Variants in CD2AP observed in about 807,000 individuals in gnomAD.
CD2AP encodes the protein CD2 associated protein, also known as CD2-associated protein.
In CD2AP, 46 loss-of-function variants were observed where a neutral mutation model predicts 85.1. The ratio of observed to expected loss-of-function variants is 0.54; its 90% CI spans 0.43 to 0.69. The LOEUF is 0.69. CD2AP is among the 30% of genes least tolerant of loss of function. CD2AP has a pLI of 0.00. For missense variants in CD2AP, 769 were observed against 729.5 expected (o/e 1.05, Z -0.62); for synonymous variants, 255 against 252.9 (o/e 1.01, Z -0.08).
intron 5 of CD2AP, among the ~76,000 whole-genome samples, chr6:47,562,349 T>C (rs2114076479): frequency 6.6e-6 from 1 of 152,182 alleles, no homozygotes; most frequent in East Asian, 1.9e-4. Flanking sequence ...CTTTACATAG[T>C]CATAAAATAC....
chr6:47,615,925 G>A lies in CD2AP; in HGVS notation c.1878+3389G>A, dbSNP rs185050869. 1.1e-3 allele frequency among the ~76,000 whole-genome samples: 161 copies of A among 150,618 alleles called. 1 individual carries two copies. The highest frequency in any genetic ancestry group is 3.4e-3 in the African/African-American group (139 of 40,998). ...CTCCAGAGTAGCTAGGACTACAGGC[G>A]CCCGCCACCACACCCGGCTAGTTTT... On this transcript the variant is annotated intron_variant, in intron 17 of 17. Coordinates refer to ENST00000359314, the MANE Select transcript of CD2AP (RefSeq NM_012120.3).
chr6:47,502,625 C>T (rs1327111900), intron 1 of CD2AP, among the ~76,000 whole-genome samples: 1 of 151,826 alleles, frequency 6.6e-6, no homozygotes, highest in African/African-American at 2.4e-5. Context: ...TCCCGAGTAG[C>T]TGGGATTACT....
intron 1 of CD2AP, 139 bp downstream of exon 1, chr6:47,478,387 G>A: frequency 1.8e-5 from 17 of 955,422 alleles, no homozygotes; most frequent in African/African-American, 3.2e-5. Flanking sequence ...TCTCCCCACC[G>A]CCCCTTCTTG....
chr6:47,620,486 C>T lies in CD2AP; in HGVS notation c.1879-3700C>T, dbSNP rs151222079. Among the ~76,000 whole-genome samples the T allele has an allele frequency of 2.9e-3, 442 of 152,206 alleles. 3 individuals are homozygous for T. The highest frequency in any genetic ancestry group is 0.011 in the Admixed American group (165 of 15,288). ...AGTTTGAAATCAGGTAGTGTGATGC[C>T]TCCAGATTTGTTCTTTTTCCTTAGT... On this transcript the variant is annotated intron_variant, in intron 17 of 17. Coordinates refer to ENST00000359314, the MANE Select transcript of CD2AP (RefSeq NM_012120.3).
intron 1 of CD2AP, among the ~76,000 whole-genome samples, chr6:47,484,022 G>C (rs1031388348): frequency 6.6e-6 from 1 of 152,100 alleles, no homozygotes; most frequent in Non-Finnish European, 1.5e-5. Flanking sequence ...TCACTGAAGT[G>C]GTGGTTGGCT....
At chr6:47,595,581 C>G (rs1285233982) in intron 11 of CD2AP, among the ~76,000 whole-genome samples, 1 of 152,012 alleles carries the variant, frequency 6.6e-6, no homozygotes, top group Non-Finnish European at 1.5e-5. Flanking sequence ...AAAAGCAAAG[C>G]TTCCTGGGAA....
intron 1 of CD2AP, among the ~76,000 whole-genome samples, chr6:47,500,775 C>T (rs1582481079): frequency 6.7e-6 from 1 of 148,298 alleles, no homozygotes; most frequent in Non-Finnish European, 1.5e-5. Context: ...GAGACGGAGT[C>T]CTGCCCTGTC....
intron 1 of CD2AP, chr6:47,489,016 AC>A (rs1765650791): frequency 6.6e-6 from 1 of 152,214 alleles, no homozygotes; most frequent in African/African-American, 2.4e-5. Flanking sequence ...TGCTGTTCTT[AC>A]AAGTTCTTGT....
chr6:47,565,419 T>C (rs1228576625), intron 5 of CD2AP, among the ~76,000 whole-genome samples: 3 of 152,152 alleles, frequency 2.0e-5, no homozygotes, highest in African/African-American at 7.2e-5. Context: ...TAGGAATGTG[T>C]TTTCAAATTT....
chr6:47,571,229 A>C (rs1768142437), intron 5 of CD2AP, among the ~76,000 whole-genome samples: 1 of 152,204 alleles, frequency 6.6e-6, no homozygotes, highest in Admixed American at 6.5e-5. Context: ...TTGGAGGTAT[A>C]TATTAAAACT....
chr6:47,614,754 G>A (rs1361166995), intron 17 of CD2AP, among the ~76,000 whole-genome samples: 3 of 152,246 alleles, frequency 2.0e-5, no homozygotes, highest in Non-Finnish European at 1.5e-5. Flanking sequence ...ACAGCAAAAC[G>A]AAGTACAATA....
At chr6:47,551,403 C>T (rs1767520188) in intron 4 of CD2AP, among the ~76,000 whole-genome samples, 1 of 152,108 alleles carries the variant, frequency 6.6e-6, no homozygotes, top group East Asian at 1.9e-4. Context: ...TGTGTTTATA[C>T]AAAGGCTGTT....
intron 11 of CD2AP, among the ~76,000 whole-genome samples, chr6:47,594,517 A>G (rs1220053698): frequency 6.6e-6 from 1 of 152,008 alleles, no homozygotes; most frequent in Non-Finnish European, 1.5e-5. Context: ...ACTTCTCTTT[A>G]ATTTATATCC....
At chr6:47,539,054 A>C (rs1767132011) in intron 3 of CD2AP, among the ~76,000 whole-genome samples, 1 of 152,214 alleles carries the variant, frequency 6.6e-6, no homozygotes, top group Non-Finnish European at 1.5e-5. Context: ...TGGTCTAGGC[A>C]ATTAATTAAA....
intron 13 of CD2AP, among the ~76,000 whole-genome samples, chr6:47,602,846 G>T (rs1383719596): frequency 6.6e-6 from 1 of 151,880 alleles, no homozygotes; most frequent in East Asian, 1.9e-4. Context: ...GTTGTAGTGA[G>T]CCTTGATCAT....
chr6:47,488,114 A>G (rs1384011464), intron 1 of CD2AP, among the ~76,000 whole-genome samples: 2 of 151,728 alleles, frequency 1.3e-5, no homozygotes, highest in African/African-American at 4.8e-5. Context: ...TAGAGAATCA[A>G]TAATCAGTGA....
At chr6:47,482,488 C>T (rs1462013045) in intron 1 of CD2AP, among the ~76,000 whole-genome samples, 2 of 151,436 alleles carry the variant, frequency 1.3e-5, no homozygotes, top group South Asian at 2.1e-4. Flanking sequence ...AAGCAAGTCT[C>T]CTGCCTCAGC....
intron 1 of CD2AP, among the ~76,000 whole-genome samples, chr6:47,483,740 G>A (rs1765501721): frequency 6.6e-6 from 1 of 151,174 alleles, no homozygotes; most frequent in Non-Finnish European, 1.5e-5. Flanking sequence ...TATTCCCTGG[G>A]TATAGATTGC....
intron 3 of CD2AP, among the ~76,000 whole-genome samples, chr6:47,543,097 G>A (rs1767263974): frequency 7.5e-6 from 1 of 133,022 alleles, no homozygotes; most frequent in African/African-American, 2.9e-5. Flanking sequence ...GTTGCAGCGA[G>A]CTGAGATTGC....
Sources: gnomAD v4.1 joint callset for allele counts (sites outside exome capture counted in the v4.1 genomes callset) on GRCh38, gnomAD v4.1.1 for gene constraint, MANE v1.5 for transcripts, NCBI Gene and HGNC (gene_info 2026-07-23, HGNC 2026-07-21) for gene names.